MYO1D: variants seen among roughly 807,000 people sequenced by gnomAD.
MYO1D encodes unconventional myosin-Id.
Under a neutral mutation model 122.0 loss-of-function variants are expected in MYO1D, and 83 were observed. That is an observed-to-expected ratio of 0.68 (90% CI 0.57 to 0.82). The LOEUF is 0.82. MYO1D is among the 40% of genes least tolerant of loss of function. MYO1D has a pLI of 0.00. For synonymous variants in MYO1D, 464 were observed against 446.9 expected (o/e 1.04, Z -0.48); for missense variants, 1,157 against 1,269.5 (o/e 0.91, Z 1.35).
rs532379275 is a variant in MYO1D at position 32,682,611 on chromosome 17, C to T, written c.2122-23273G>A. Among the ~76,000 whole-genome samples the T allele has an allele frequency of 1.4e-3, 203 of 147,018 alleles. 1 individual carries two copies. Among genetic ancestry groups the T allele is most frequent in the Non-Finnish European group, 2.3e-3 (158 of 67,564 alleles). ...CTCTTCTGGCTTGTAGGGTTTCTGC[C>T]GAGAGATCAGCTGTTAGTCTGATGG... On this transcript the variant is annotated intron_variant, in intron 16 of 21. Transcript: ENST00000318217.
At chr17:32,513,864 T>A (rs933252249) in intron 21 of MYO1D, among the ~76,000 whole-genome samples, 1 of 151,194 alleles carries the variant, frequency 6.6e-6, no homozygotes, top group Non-Finnish European at 1.5e-5. Flanking sequence ...AGGATCTTGC[T>A]CTGTTGCCCA....
Position 32,565,670 on chromosome 17 carries a change from G to A in MYO1D, c.2864+39417C>T, listed in dbSNP as rs191130405. ...TCAAGTAATGACTTTGTTACCACTGGCATCTGAACAGGAAGTCCAGATCTG... is the reference window on the plus strand; with the variant it reads ...TCAAGTAATGACTTTGTTACCACTGACATCTGAACAGGAAGTCCAGATCTG... On this transcript the variant is annotated intron_variant, in intron 21 of 21. Coordinates refer to ENST00000318217, the MANE Select transcript of MYO1D (RefSeq NM_015194.3). Among the ~76,000 whole-genome samples, 21 of 152,240 alleles carry A rather than the reference G, an allele frequency of 1.4e-4. No individual in the cohort carries two copies. The East Asian group carries it at 3.5e-3, about 25-fold the overall frequency.
intron 1 of MYO1D, among the ~76,000 whole-genome samples, chr17:32,872,969 T>C (rs997978998): frequency 6.6e-6 from 1 of 152,278 alleles, no homozygotes; most frequent in Non-Finnish European, 1.5e-5. Flanking sequence ...GTGCTGGGAT[T>C]ACAGGCGTGA....
At chr17:32,820,415 T>C (rs1468217132) in intron 1 of MYO1D, among the ~76,000 whole-genome samples, 3 of 152,176 alleles carry the variant, frequency 2.0e-5, no homozygotes, top group Admixed American at 6.5e-5. Context: ...TATACACACA[T>C]ACACAGAAAA....
intron 4 of MYO1D, among the ~76,000 whole-genome samples, chr17:32,774,424 G>C (rs959613199): frequency 3.9e-5 from 6 of 152,166 alleles, no homozygotes; most frequent in Admixed American, 1.3e-4. Flanking sequence ...TTTGGTGGTT[G>C]GGGGTGGGGT....
chr17:32,701,617 C>A (rs752770522), intron 16 of MYO1D, among the ~76,000 whole-genome samples: 1 of 152,074 alleles, frequency 6.6e-6, no homozygotes, highest in South Asian at 2.1e-4. Context: ...AGCTGAAGTT[C>A]GGTGGCGCAA....
At chr17:32,783,127 T>C (rs574929959) in intron 1 of MYO1D, among the ~76,000 whole-genome samples, 19 of 149,948 alleles carry the variant, frequency 1.3e-4, no homozygotes, top group African/African-American at 4.2e-4. Flanking sequence ...AAGGGCACGA[T>C]TGTTTAGTTT....
intron 1 of MYO1D, among the ~76,000 whole-genome samples, chr17:32,806,948 A>T (rs949922634): frequency 6.6e-6 from 1 of 152,226 alleles, no homozygotes; most frequent in African/African-American, 2.4e-5. Flanking sequence ...TAACTAAATA[A>T]CATAGGATGT....
At chr17:32,706,950 C>A (rs1015899921) in intron 16 of MYO1D, among the ~76,000 whole-genome samples, 3 of 152,072 alleles carry the variant, frequency 2.0e-5, no homozygotes, top group African/African-American at 7.2e-5. Flanking sequence ...CCCGCCTCGG[C>A]CCCCCAAAGT....
chr17:32,561,688 CAAAA>C (rs60531756), intron 21 of MYO1D, among the ~76,000 whole-genome samples: 1 of 71,784 alleles, frequency 1.4e-5, no homozygotes, highest in Non-Finnish European at 2.8e-5. Context: ...GGCTCTGTCT[CAAAA>C]AAAAAAAAAA....
intron 1 of MYO1D, among the ~76,000 whole-genome samples, chr17:32,798,599 G>A (rs1174344843): frequency 6.6e-6 from 1 of 152,118 alleles, no homozygotes; most frequent in Non-Finnish European, 1.5e-5. Flanking sequence ...CCCCTAAATG[G>A]AAGCTAAGAA....
intron 1 of MYO1D, among the ~76,000 whole-genome samples, chr17:32,860,468 T>C (rs2470223): frequency 0.41 from 61,995 of 151,996 alleles, 12,971 homozygotes; most frequent in East Asian, 0.54. Context: ...ACACATAACA[T>C]AGACTACTAA....
At chr17:32,867,167 A>G (rs2091133630) in intron 1 of MYO1D, among the ~76,000 whole-genome samples, 1 of 151,838 alleles carries the variant, frequency 6.6e-6, no homozygotes, top group Admixed American at 6.6e-5. Flanking sequence ...CTCTACTAAA[A>G]ATACAAAAAT....
chr17:32,536,563 T>A (rs1910671744), intron 21 of MYO1D, among the ~76,000 whole-genome samples: 1 of 152,174 alleles, frequency 6.6e-6, no homozygotes, highest in African/African-American at 2.4e-5. Flanking sequence ...GAGTTATAGA[T>A]CTTATGTGCT....
chr17:32,848,762 T>C (rs2090959791), intron 1 of MYO1D, among the ~76,000 whole-genome samples: 1 of 152,146 alleles, frequency 6.6e-6, no homozygotes, highest in South Asian at 2.1e-4. Flanking sequence ...CAGTCCCCCG[T>C]CCCACACCCT....
intron 1 of MYO1D, among the ~76,000 whole-genome samples, chr17:32,822,183 A>G (rs1247161474): frequency 1.3e-5 from 2 of 152,184 alleles, no homozygotes; most frequent in Non-Finnish European, 2.9e-5. Flanking sequence ...ATCATGGAAT[A>G]CCATGCAGCC....
At chr17:32,663,439 GA>G (rs1235803903) in intron 16 of MYO1D, among the ~76,000 whole-genome samples, 1 of 152,196 alleles carries the variant, frequency 6.6e-6, no homozygotes, top group Non-Finnish European at 1.5e-5. Flanking sequence ...AAGAGGAGAG[GA>G]GAGCATGCAG....
intron 1 of MYO1D, among the ~76,000 whole-genome samples, chr17:32,793,409 T>C (rs981219219): frequency 3.3e-5 from 5 of 151,786 alleles, no homozygotes; most frequent in African/African-American, 1.2e-4. Flanking sequence ...ATAACAAAGA[T>C]AGAAAGAATG....
In MYO1D at chr17:32,760,874, G is replaced by T. The variant is rs1311931898; in HGVS notation, c.1036-247C>A. ...TACCGGTCATTATACCAATTCCAAC[G>T]ACACTCTCCAGGCATGTTTCCCTGC... On this transcript the variant is annotated intron_variant, in intron 8 of 21. Coordinates refer to ENST00000318217, the MANE Select transcript of MYO1D (RefSeq NM_015194.3). Among the ~76,000 whole-genome samples the T allele has an allele frequency of 1.3e-5, 2 of 152,056 alleles. 1 individual carries two copies. Among genetic ancestry groups the T allele is most frequent in the South Asian group, 4.1e-4 (2 of 4,830 alleles).
Sources: allele counts gnomAD v4.1 joint callset (sites outside exome capture counted in the v4.1 genomes callset), GRCh38; gene constraint gnomAD v4.1.1; transcripts MANE v1.5; gene names NCBI Gene and HGNC (gene_info 2026-07-23, HGNC 2026-07-21).